The following AMBRA1 variants were observed in gnomAD, a reference collection of about 807,000 sequenced individuals.
AMBRA1 encodes activating molecule in BECN1-regulated autophagy protein 1.
In AMBRA1, 47 loss-of-function variants were observed where a neutral mutation model predicts 125.4. That is an observed-to-expected ratio of 0.37 (90% CI 0.30 to 0.48). The LOEUF (loss-of-function observed/expected upper bound fraction) is 0.48. Among genes scored for constraint, AMBRA1 ranks in the 20% least tolerant of loss-of-function variants. The pLI, the probability that AMBRA1 is intolerant of heterozygous loss-of-function variation, is 0.99. For synonymous variants in AMBRA1, 626 were observed against 655.5 expected, an observed-to-expected ratio of 0.95 and a Z score of 0.69; for missense variants, 1,331 against 1,693.4, an observed-to-expected ratio of 0.79 and a Z score of 3.76.
intron 7 of AMBRA1, 82 bp from the exon 8 acceptor site, chr11:46,512,895 T>G: frequency 2.7e-5 from 35 of 1,301,282 alleles, no homozygotes; most frequent in Non-Finnish European, 3.5e-5. Context: ...GAGGGAGAGA[T>G]ATATAACTTT....
chr11:46,429,088 C>G (rs145221216), intron 14 of AMBRA1: 18 of 1,609,178 alleles, frequency 1.1e-5, no homozygotes, highest in Non-Finnish European at 1.3e-5. Context: ...TCTTGGCCAC[C>G]ATGACTCCCT....
intron 11 of AMBRA1, among the ~76,000 whole-genome samples, chr11:46,474,798 A>C (rs1034097526): frequency 6.6e-5 from 10 of 152,210 alleles, no homozygotes; most frequent in African/African-American, 2.2e-4. Flanking sequence ...AGGTAAAGTT[A>C]AGTTCAAGGA....
intron 11 of AMBRA1, among the ~76,000 whole-genome samples, chr11:46,463,846 C>T (rs556865964): frequency 2.0e-5 from 3 of 152,278 alleles, no homozygotes; most frequent in Non-Finnish European, 2.9e-5. Flanking sequence ...GTTGGTAAAA[C>T]GTAACAAAAA....
chr11:46,405,641 G>A (rs1448003849), intron 17 of AMBRA1, among the ~76,000 whole-genome samples: 2 of 152,000 alleles, frequency 1.3e-5, no homozygotes, highest in South Asian at 2.1e-4. Flanking sequence ...CAGGAAGATC[G>A]CTTGAGCCTA....
At chr11:46,439,117 T>A (rs1269166311) in intron 12 of AMBRA1, among the ~76,000 whole-genome samples, 1 of 151,740 alleles carries the variant, frequency 6.6e-6, no homozygotes, top group Non-Finnish European at 1.5e-5. Flanking sequence ...TAAAAAAAAA[T>A]TTAAAAATCA....
intron 1 of AMBRA1, among the ~76,000 whole-genome samples, chr11:46,582,158 A>C (rs2135315957): frequency 6.6e-6 from 1 of 151,540 alleles, no homozygotes; most frequent in South Asian, 2.1e-4. Context: ...AGTCCTGCCT[A>C]AGTCTCTATC....
intron 9 of AMBRA1, among the ~76,000 whole-genome samples, chr11:46,506,563 G>A (rs1157490882): frequency 1.3e-5 from 2 of 152,172 alleles, no homozygotes; most frequent in African/African-American, 2.4e-5. Flanking sequence ...AAGCTGAGGG[G>A]GAGATGAGAA....
intron 10 of AMBRA1, 58 bp downstream of exon 10, chr11:46,494,066 A>G (rs1950551367): frequency 6.7e-7 from 1 of 1,497,054 alleles, no homozygotes; most frequent in Non-Finnish European, 9.1e-7. Flanking sequence ...AGTAGGTTTA[A>G]AACTAAATCC....
chr11:46,414,442 T>C (rs1348914125), intron 15 of AMBRA1, among the ~76,000 whole-genome samples: 1 of 152,228 alleles, frequency 6.6e-6, no homozygotes, highest in African/African-American at 2.4e-5. Context: ...AGTTGGCCAA[T>C]GGGCCAGATG....
At chr11:46,486,148 T>C (rs1950260714) in intron 11 of AMBRA1, among the ~76,000 whole-genome samples, 2 of 152,196 alleles carry the variant, frequency 1.3e-5, no homozygotes, top group African/African-American at 2.4e-5. Flanking sequence ...CCACTAATTG[T>C]CCATTTATCT....
chr11:46,453,261 CTT>C (rs1206042700), intron 11 of AMBRA1, among the ~76,000 whole-genome samples: 2 of 147,046 alleles, frequency 1.4e-5, no homozygotes, highest in African/African-American at 2.5e-5. Flanking sequence ...CAGTACTTCA[CTT>C]TTTTTTTTTT....
intron 11 of AMBRA1, among the ~76,000 whole-genome samples, chr11:46,492,370 T>C (rs903235184): frequency 3.9e-5 from 6 of 152,206 alleles, no homozygotes; most frequent in Non-Finnish European, 8.8e-5. Flanking sequence ...AAGATAAAGC[T>C]TGTAACATTC....
chr11:46,579,241 T>C (rs2044086713), intron 1 of AMBRA1, among the ~76,000 whole-genome samples: 1 of 152,122 alleles, frequency 6.6e-6, no homozygotes, highest in South Asian at 2.1e-4. Context: ...GAGTATCACC[T>C]GAGGTCAGGA....
chr11:46,474,898 G>A lies in AMBRA1; in HGVS notation c.2521+18710C>T, dbSNP rs567817075. ...AACAAAAAGCAAGATAGTCGAAAGA[G>A]AAAGAACACAGTGTGCGCTTGAGAA... On this transcript the variant is annotated intron_variant, in intron 11 of 17. Transcript: ENST00000683756. Among the ~76,000 whole-genome samples, 26 of 152,296 alleles carry A rather than the reference G, an allele frequency of 1.7e-4. No individual in the cohort carries two copies. In the South Asian group the frequency reaches 4.1e-3, roughly 24 times the overall value.
intron 13 of AMBRA1, 107 bp from the exon 14 acceptor site, chr11:46,433,735 C>T (rs934664424): frequency 2.5e-6 from 3 of 1,199,946 alleles, no homozygotes; most frequent in Admixed American, 2.2e-5. Context: ...TATTCACTTG[C>T]TCATCCTGGT....
intron 14 of AMBRA1, among the ~76,000 whole-genome samples, chr11:46,419,885 T>C (rs529884454): frequency 1.3e-5 from 2 of 152,166 alleles, no homozygotes; most frequent in African/African-American, 2.4e-5. Flanking sequence ...AACCAAGTGA[T>C]AAGCAGCCCT....
chr11:46,438,584 G>A (rs1947843804), intron 12 of AMBRA1, among the ~76,000 whole-genome samples: 1 of 152,136 alleles, frequency 6.6e-6, no homozygotes. Context: ...TTTCCTCCTG[G>A]CTATCTCTGA....
At chr11:46,418,234 TA>T (rs1013499728) in intron 14 of AMBRA1, among the ~76,000 whole-genome samples, 182 bp from the exon 15 acceptor site, 1 of 144,808 alleles carries the variant, frequency 6.9e-6, no homozygotes, top group African/African-American at 2.5e-5. Flanking sequence ...TATTTATATA[TA>T]AATATATATA....
chr11:46,579,769 G>A (rs920424104), intron 1 of AMBRA1, among the ~76,000 whole-genome samples: 3 of 152,196 alleles, frequency 2.0e-5, no homozygotes, highest in Admixed American at 6.5e-5. Context: ...CTGGAGTGCA[G>A]TGACATGATA....
Sources: gnomAD v4.1 joint callset for allele counts (sites outside exome capture counted in the v4.1 genomes callset) on GRCh38, gnomAD v4.1.1 for gene constraint, MANE v1.5 for transcripts, NCBI Gene and HGNC (gene_info 2026-07-23, HGNC 2026-07-21) for gene names.